Variants in SLC28A3 observed in about 807,000 individuals in gnomAD.
SLC28A3 encodes the protein solute carrier family 28 member 3, also known as concentrative Na(+)-nucleoside cotransporter 3.
SLC28A3 carries 68 observed loss-of-function variants against 84.2 expected under a neutral mutation model. The ratio of observed to expected loss-of-function variants is 0.81; its 90% CI spans 0.66 to 0.99. The LOEUF (loss-of-function observed/expected upper bound fraction) is 0.99. Among genes scored for constraint, SLC28A3 ranks in the 50% least tolerant of loss-of-function variants. The pLI, the probability that SLC28A3 is intolerant of heterozygous loss-of-function variation, is 0.00. For missense variants in SLC28A3, 712 were observed against 841.5 expected, an observed-to-expected ratio of 0.85 and a Z score of 1.90; for synonymous variants, 267 against 303.6, an observed-to-expected ratio of 0.88 and a Z score of 1.25.
intron 15 of SLC28A3, 124 bp downstream of exon 15, chr9:84,280,677 C>A: frequency 5.8e-6 from 5 of 864,796 alleles, no homozygotes; most frequent in Non-Finnish European, 3.6e-6. Context: ...AAAAATAGAC[C>A]CCAGAGGACT....
chr9:84,301,358 A>T, intron 5 of SLC28A3, among the ~76,000 whole-genome samples: 1 of 150,410 alleles, frequency 6.6e-6, no homozygotes, highest in Non-Finnish European at 1.5e-5. Flanking sequence ...TCAAAAAAAA[A>T]AAAAAAAAAA....
intron 10 of SLC28A3, among the ~76,000 whole-genome samples, chr9:84,290,832 AAAACAAAC>A (rs59932389): frequency 1.3e-4 from 19 of 150,932 alleles, no homozygotes; most frequent in South Asian, 8.4e-4. Flanking sequence ...ACAAGCATTA[AAAACAAAC>A]AAACAAACAA....
chr9:84,347,813 G>C, the SLC28A3 span, among the ~76,000 whole-genome samples: 1 of 152,166 alleles, frequency 6.6e-6, no homozygotes, highest in Non-Finnish European at 1.5e-5. Context: ...GGTGCTTAGC[G>C]TAGTGCTTGG....
rs1052083114 is a variant in SLC28A3 at position 84,299,627 on chromosome 9, A to G, written c.623T>C (p.Ile208Thr). ...QQQLVSFGGLIMYIVLLFLFS... is the reference protein window; with the variant it reads ...QQQLVSFGGLTMYIVLLFLFS... ...TAGAAATAACAGGACAATGTACATT[A>G]TGAGCCCACCGAAGGACACCAGCTG... Residue 208 changes from isoleucine to threonine, a missense_variant, in exon 6 of 18, where the codon ATA becomes ACA. Transcript: ENST00000376238. The G allele has an allele frequency of 2.5e-6, 4 of 1,613,878 alleles. No individual in the cohort carries two copies. The highest frequency in any genetic ancestry group is 3.4e-6 in the Non-Finnish European group (4 of 1,179,982).
At chr9:84,347,202 T>A in the SLC28A3 span, among the ~76,000 whole-genome samples, 167 of 73,416 alleles carry the variant, frequency 2.3e-3, 1 homozygote, top group African/African-American at 0.02. Context: ...CAAGACTCTG[T>A]CTAAAAAAAA....
At chr9:84,333,584 G>A (rs1826864995) in intron 1 of SLC28A3, among the ~76,000 whole-genome samples, 1 of 152,072 alleles carries the variant, frequency 6.6e-6, no homozygotes, top group Admixed American at 6.6e-5. Context: ...ACCAATAACA[G>A]GAAAATTTTA....
intron 12 of SLC28A3, among the ~76,000 whole-genome samples, chr9:84,287,624 G>A (rs1825045639): frequency 6.6e-6 from 1 of 152,128 alleles, no homozygotes. Context: ...CACTTTGGGA[G>A]GCTGAGGCAG....
intron 1 of SLC28A3, among the ~76,000 whole-genome samples, chr9:84,337,449 C>CGCGT (rs1827019116): frequency 2.7e-5 from 4 of 145,878 alleles, no homozygotes; most frequent in African/African-American, 1.0e-4. Flanking sequence ...TGTGCGCGCG[C>CGCGT]GTGTGTGTAT....
chr9:84,292,230 C>T lies in SLC28A3; in HGVS notation c.1023+438G>A, dbSNP rs200064435. Among the ~76,000 whole-genome samples, 84 of 152,254 alleles carry T rather than the reference C, an allele frequency of 5.5e-4. No homozygotes were observed. In the East Asian group the frequency reaches 0.013, roughly 24 times the overall value. On this transcript the variant is annotated intron_variant, in intron 10 of 17. Coordinates refer to ENST00000376238, the MANE Select transcript of SLC28A3 (RefSeq NM_001199633.2). The stretch of plus-strand genomic sequence containing the variant: ...GAGGCTGTTTGTAGCTTGGAGATTT[C>T]GAGATAGTGAAATCCATTCAAGTGG...
At chr9:84,282,900 T>C (rs1390448843) in intron 14 of SLC28A3, among the ~76,000 whole-genome samples, 1 of 152,154 alleles carries the variant, frequency 6.6e-6, no homozygotes, top group East Asian at 1.9e-4. Context: ...TTCTGAGAAC[T>C]CTCCTTTGTT....
In SLC28A3 at chr9:84,294,107, G is replaced by A. The variant is rs539194557; in HGVS notation, c.942+88C>T. 7.6e-5 allele frequency: 92 copies of A among 1,213,770 alleles called. No homozygotes were observed. In the South Asian group the frequency reaches 8.9e-4, roughly 12 times the overall value. 75.2% of individuals were successfully genotyped at this position (1,213,770 alleles called of 1,614,324 possible). On this transcript the variant is annotated intron_variant, in intron 9 of 17. Coordinates refer to ENST00000376238, the MANE Select transcript of SLC28A3 (RefSeq NM_001199633.2). Reference sequence around the variant, plus strand: ...AATGGTAGGAAGAGAAAGGCACTTCGTAAATACCTGCATAAAAGGCCTTGA... The same window carrying A: ...AATGGTAGGAAGAGAAAGGCACTTCATAAATACCTGCATAAAAGGCCTTGA...
the SLC28A3 span, among the ~76,000 whole-genome samples, chr9:84,354,060 G>A: frequency 2.0e-5 from 3 of 152,210 alleles, no homozygotes; most frequent in African/African-American, 7.2e-5. Context: ...CTCAATGCCT[G>A]GCTCTCACCT....
At chr9:84,293,563 C>T (rs1023450564) in intron 9 of SLC28A3, among the ~76,000 whole-genome samples, 1 of 152,140 alleles carries the variant, frequency 6.6e-6, no homozygotes, top group Non-Finnish European at 1.5e-5. Context: ...GCTCTGTGCT[C>T]GTGTGTGGTG....
chr9:84,298,047 TTAG>T (rs754936412), intron 6 of SLC28A3, 28 bp from the exon 7 acceptor site: 39 of 1,570,432 alleles, frequency 2.5e-5, no homozygotes, highest in Non-Finnish European at 3.3e-5. Context: ...GTGATATGTC[TTAG>T]TAGGAAAATT....
chr9:84,360,409 G>C, the SLC28A3 span, among the ~76,000 whole-genome samples: 4 of 152,078 alleles, frequency 2.6e-5, no homozygotes, highest in African/African-American at 9.7e-5. Flanking sequence ...CATACAGGTT[G>C]GCTGTTGGAT....
chr9:84,292,069 A>C (rs1825246139), intron 10 of SLC28A3, among the ~76,000 whole-genome samples: 1 of 152,356 alleles, frequency 6.6e-6, no homozygotes, highest in Admixed American at 6.5e-5. Context: ...ATTTTTCTTC[A>C]GGCTCAGCAA....
rs974420649 is a variant in SLC28A3 at position 84,295,274 on chromosome 9, G to A, written c.862-999C>T. On this transcript the variant is annotated intron_variant, in intron 8 of 17. Coordinates refer to ENST00000376238, the MANE Select transcript of SLC28A3 (RefSeq NM_001199633.2). Reference sequence around the variant, plus strand: ...TGACTGCATTTTGGAAGCTACTTTAGTTCTGTGTTAAAGGCCATTGTATTT... The same window carrying A: ...TGACTGCATTTTGGAAGCTACTTTAATTCTGTGTTAAAGGCCATTGTATTT... Among the ~76,000 whole-genome samples the A allele has an allele frequency of 3.9e-5, 6 of 152,112 alleles. No homozygotes were observed. In the East Asian group the frequency reaches 1.2e-3, roughly 29 times the overall value.
intron 1 of SLC28A3, among the ~76,000 whole-genome samples, chr9:84,335,812 C>T (rs1826955320): frequency 6.6e-6 from 1 of 151,442 alleles, no homozygotes; most frequent in Non-Finnish European, 1.5e-5. Context: ...AAGATAGGTA[C>T]CATTATTATG....
intron 4 of SLC28A3, among the ~76,000 whole-genome samples, chr9:84,304,345 G>A (rs568683118): frequency 4.5e-4 from 69 of 152,108 alleles, no homozygotes; most frequent in Non-Finnish European, 8.8e-4. Context: ...CAGCAGCCTG[G>A]GATTAATGTC....
Sources: allele counts gnomAD v4.1 joint callset (sites outside exome capture counted in the v4.1 genomes callset), GRCh38; gene constraint gnomAD v4.1.1; transcripts MANE v1.5; gene names NCBI Gene and HGNC (gene_info 2026-07-23, HGNC 2026-07-21).